UBTD1: variants seen among roughly 807,000 people sequenced by gnomAD.
UBTD1 encodes ubiquitin domain containing 1, also known as ubiquitin domain-containing protein 1.
In UBTD1, 19 loss-of-function variants were observed where a neutral mutation model predicts 21.7. The observed-to-expected ratio is 0.87, with a 90% CI of 0.61 to 1.28. UBTD1 has a LOEUF of 1.28. UBTD1 is among the 50% of genes most tolerant of loss of function. The pLI is 0.00. For synonymous variants in UBTD1, 116 were observed against 135.1 expected (o/e 0.86, Z 0.98); for missense variants, 282 against 315.1 (o/e 0.89, Z 0.80).
intron 1 of UBTD1, among the ~76,000 whole-genome samples, chr10:97,504,717 T>C (rs2040391337): frequency 6.6e-6 from 1 of 152,224 alleles, no homozygotes; most frequent in South Asian, 2.1e-4. Context: ...AAACTAGAGT[T>C]GGTGAAGTCT....
chr10:97,536,974 G>T (rs999105122), intron 1 of UBTD1, among the ~76,000 whole-genome samples: 4 of 152,112 alleles, frequency 2.6e-5, no homozygotes, highest in African/African-American at 9.7e-5. Context: ...GAGGTACAGA[G>T]AAGTGAGGAA....
chr10:97,553,664 C>T (rs1159965179), intron 1 of UBTD1, among the ~76,000 whole-genome samples: 2 of 152,144 alleles, frequency 1.3e-5, no homozygotes, highest in Non-Finnish European at 1.5e-5. Context: ...GAGCCAACAC[C>T]AGCCCAGAGG....
chr10:97,507,113 C>T (rs879465462), intron 1 of UBTD1, among the ~76,000 whole-genome samples: 24 of 152,240 alleles, frequency 1.6e-4, no homozygotes, highest in Non-Finnish European at 3.1e-4. Context: ...ACACTTTCCT[C>T]AGCAGCTGCA....
intron 1 of UBTD1, among the ~76,000 whole-genome samples, chr10:97,567,358 C>T (rs574217530): frequency 2.7e-5 from 4 of 147,470 alleles, no homozygotes; most frequent in Non-Finnish European, 6.0e-5. Flanking sequence ...TGAGCCACCG[C>T]GCCCTGCCCC....
chr10:97,561,771 A>G (rs1302069891), intron 1 of UBTD1, among the ~76,000 whole-genome samples: 2 of 152,148 alleles, frequency 1.3e-5, no homozygotes, highest in Non-Finnish European at 2.9e-5. Context: ...GTATAAAACC[A>G]TATAAAACAA....
chr10:97,512,402 G>T (rs950025801), intron 1 of UBTD1, among the ~76,000 whole-genome samples: 2 of 152,188 alleles, frequency 1.3e-5, no homozygotes, highest in African/African-American at 2.4e-5. Context: ...GCTCATTTAG[G>T]TCTGGCTCAG....
chr10:97,557,002 A>T (rs2153545), intron 1 of UBTD1, among the ~76,000 whole-genome samples: 5,398 of 152,246 alleles, frequency 0.035, 243 homozygotes, highest in African/African-American at 0.096. Flanking sequence ...CTGTCCAATA[A>T]TTGAGACTTT....
chr10:97,551,743 A>G (rs1267864732), intron 1 of UBTD1, among the ~76,000 whole-genome samples: 1 of 151,868 alleles, frequency 6.6e-6, no homozygotes, highest in Non-Finnish European at 1.5e-5. Context: ...GCACCCCAGA[A>G]CTCCAAGTAT....
At chr10:97,526,394 G>A (rs1195692554) in intron 1 of UBTD1, among the ~76,000 whole-genome samples, 1 of 152,172 alleles carries the variant, frequency 6.6e-6, no homozygotes, top group East Asian at 1.9e-4. Context: ...GTGAAAAATG[G>A]AAAGTCTAAA....
chr10:97,503,140 T>C (rs2135652154), intron 1 of UBTD1, among the ~76,000 whole-genome samples: 1 of 152,248 alleles, frequency 6.6e-6, no homozygotes, highest in East Asian at 1.9e-4. Context: ...GGTCTGAAAC[T>C]CCTGGCCTCA....
chr10:97,517,620 C>T, intron 1 of UBTD1, among the ~76,000 whole-genome samples: 1 of 152,160 alleles, frequency 6.6e-6, no homozygotes, highest in East Asian at 1.9e-4. Flanking sequence ...ATGGCACTGC[C>T]CGGTGGCCCT....
chr10:97,563,610 C>A (rs2040703665), intron 1 of UBTD1, among the ~76,000 whole-genome samples: 1 of 152,108 alleles, frequency 6.6e-6, no homozygotes, highest in African/African-American at 2.4e-5. Flanking sequence ...CAGCAAAGAT[C>A]ATCTATCCAC....
At chr10:97,545,874 T>C (rs12783481) in intron 1 of UBTD1, among the ~76,000 whole-genome samples, 91,530 of 152,130 alleles carry the variant, frequency 0.6, 29,206 homozygotes, top group Non-Finnish European at 0.73. Context: ...TGGAGTGCAG[T>C]GGCGCAATCT....
At chr10:97,547,137 C>T (rs1489682747) in intron 1 of UBTD1, among the ~76,000 whole-genome samples, 1 of 152,234 alleles carries the variant, frequency 6.6e-6, no homozygotes, top group African/African-American at 2.4e-5. Context: ...CCCAGTGGGA[C>T]AGAGTCCCAG....
intron 1 of UBTD1, among the ~76,000 whole-genome samples, chr10:97,550,529 C>A (rs1418866481): frequency 1.3e-5 from 2 of 152,116 alleles, no homozygotes; most frequent in African/African-American, 4.8e-5. Flanking sequence ...TGTAACTCCT[C>A]CACCCCTCCC....
At chr10:97,561,459 T>C (rs1167891718) in intron 1 of UBTD1, among the ~76,000 whole-genome samples, 1 of 152,102 alleles carries the variant, frequency 6.6e-6, no homozygotes, top group Non-Finnish European at 1.5e-5. Flanking sequence ...CTGTCCCTTT[T>C]AAGGGCTCAC....
At chr10:97,568,687 C>CTCAAAAAAAAA (rs1215612958) in intron 2 of UBTD1, among the ~76,000 whole-genome samples, 3 of 152,080 alleles carry the variant, frequency 2.0e-5, no homozygotes, top group Non-Finnish European at 4.4e-5. Context: ...CTCCCAAAGG[C>CTCAAAAAAAAA]ACTGACCTTT....
At chr10:97,528,315 T>C (rs2040502833) in intron 1 of UBTD1, among the ~76,000 whole-genome samples, 2 of 126,390 alleles carry the variant, frequency 1.6e-5, no homozygotes, top group Non-Finnish European at 3.4e-5. Context: ...ACCCCCAACC[T>C]CCCTCCCGGA....
chr10:97,557,987 A>C (rs1284201941), intron 1 of UBTD1, among the ~76,000 whole-genome samples: 1 of 152,228 alleles, frequency 6.6e-6, no homozygotes, highest in East Asian at 1.9e-4. Context: ...GTACAAGTCT[A>C]AATTTTAAGG....
Sources: allele counts gnomAD v4.1 joint callset (sites outside exome capture counted in the v4.1 genomes callset), GRCh38; gene constraint gnomAD v4.1.1; transcripts MANE v1.5; gene names NCBI Gene and HGNC (gene_info 2026-07-23, HGNC 2026-07-21).